NCLN: variants seen among roughly 807,000 people sequenced by gnomAD.
NCLN encodes the protein BOS complex subunit NCLN.
NCLN carries 34 observed loss-of-function variants against 69.5 expected under a neutral mutation model. The ratio of observed to expected loss-of-function variants is 0.49; its 90% confidence interval spans 0.37 to 0.65. NCLN has a LOEUF of 0.65. Among genes scored for constraint, NCLN ranks in the 30% least tolerant of loss-of-function variants. The pLI is 0.00. For synonymous variants in NCLN, 393 were observed against 358.3 expected (o/e 1.10, Z -1.09); for missense variants, 710 against 804.8 (o/e 0.88, Z 1.42).
intron 13 of NCLN, 22 bp downstream of exon 13, chr19:3,207,273 C>T (rs760320827): frequency 6.2e-7 from 1 of 1,613,548 alleles, no homozygotes; most frequent in Admixed American, 1.7e-5. Flanking sequence ...CCAGCGGGAC[C>T]TGGAGCCCTT....
intron 1 of NCLN, among the ~76,000 whole-genome samples, chr19:3,187,710 C>T (rs147811365): frequency 0.02 from 3,056 of 152,294 alleles, 45 homozygotes; most frequent in Non-Finnish European, 0.034. Flanking sequence ...GTGCCCAGGA[C>T]GGCCCCACCC....
chr19:3,192,430 C>A, intron 1 of NCLN, 40 bp from the exon 2 acceptor site: 1 of 1,515,680 alleles, frequency 6.6e-7, no homozygotes, highest in Non-Finnish European at 8.8e-7. Context: ...GTCGGCCTGG[C>A]CACCCGCCGA....
In NCLN at chr19:3,200,041, C is replaced by T. The variant is rs530491719; in HGVS notation, c.696+1144C>T. Among the ~76,000 whole-genome samples, 27 of 151,946 alleles carry T rather than the reference C, an allele frequency of 1.8e-4. No homozygotes were observed. The South Asian group carries it at 3.1e-3, about 18-fold the overall frequency. On this transcript the variant is annotated intron_variant, in intron 5 of 14. Coordinates refer to ENST00000246117, the MANE Select transcript of NCLN (RefSeq NM_020170.4). The stretch of plus-strand genomic sequence containing the variant: ...CAAATCAGCTGAACCAGGCAGAGTG[C>T]GGAGGGTCTGGGCAGATCTGCTGCC...
intron 13 of NCLN, 65 bp from the exon 14 acceptor site, chr19:3,207,326 G>C: frequency 6.2e-7 from 1 of 1,612,452 alleles, no homozygotes; most frequent in Non-Finnish European, 8.5e-7. Flanking sequence ...GGCCCACGGG[G>C]GTCTAGGGGT....
intron 1 of NCLN, among the ~76,000 whole-genome samples, chr19:3,189,005 G>A (rs147761782): frequency 7.9e-5 from 12 of 152,324 alleles, no homozygotes; most frequent in Middle Eastern, 3.4e-3. Context: ...TTTCACCCCC[G>A]GGCCCACTAC....
At position 3,206,437 on chromosome 19, in the gene NCLN, G is replaced by A. The variant is rs1916273631; in HGVS notation, c.1499+12G>A. 6.5e-7 allele frequency: 1 copy of A among 1,541,986 alleles called. No homozygotes were observed. Among genetic ancestry groups the A allele is most frequent in the Non-Finnish European group, 8.7e-7 (1 of 1,144,170 alleles). On this transcript the variant is annotated intron_variant, in intron 12 of 14. Transcript: ENST00000246117. Reference sequence around the variant, plus strand: ...AAGGCTGACAAGCGGTGAGGCTGGGGCTCCGCGCTGGCCCCGTTCAGCCTG... The same window carrying A: ...AAGGCTGACAAGCGGTGAGGCTGGGACTCCGCGCTGGCCCCGTTCAGCCTG...
chr19:3,197,194 G>A (rs1328704119), intron 4 of NCLN, among the ~76,000 whole-genome samples: 2 of 152,224 alleles, frequency 1.3e-5, no homozygotes, highest in African/African-American at 2.4e-5. Context: ...CCTGGCCTGC[G>A]TCACTCCACA....
At chr19:3,195,680 C>T (rs1008782932) in intron 3 of NCLN, among the ~76,000 whole-genome samples, 1 of 151,810 alleles carries the variant, frequency 6.6e-6, no homozygotes, top group South Asian at 2.1e-4. Flanking sequence ...AATCTTAGCA[C>T]TTTGGGAGGG....
At chr19:3,196,780 GA>G (rs1478300452) in intron 4 of NCLN, among the ~76,000 whole-genome samples, 1 of 152,270 alleles carries the variant, frequency 6.6e-6, no homozygotes, top group East Asian at 1.9e-4. Flanking sequence ...TCCAGAGGGT[GA>G]AGCCTGTGTC....
chr19:3,190,425 C>G (rs564023223), intron 1 of NCLN, among the ~76,000 whole-genome samples: 1 of 152,194 alleles, frequency 6.6e-6, no homozygotes, highest in African/African-American at 2.4e-5. Context: ...GCCTGTCCCC[C>G]CATGCACCCA....
At chr19:3,188,240 CA>C in intron 1 of NCLN, among the ~76,000 whole-genome samples, 1 of 151,964 alleles carries the variant, frequency 6.6e-6, no homozygotes, top group Admixed American at 6.6e-5. Context: ...TGTCCCTGGG[CA>C]GGTGTGGGCC....
intron 1 of NCLN, among the ~76,000 whole-genome samples, chr19:3,187,413 C>T (rs903832331): frequency 6.6e-6 from 1 of 152,190 alleles, no homozygotes; most frequent in Non-Finnish European, 1.5e-5. Flanking sequence ...CCTTAGTTCC[C>T]AGCCCGGATT....
At chr19:3,188,200 C>G (rs1032614760) in intron 1 of NCLN, among the ~76,000 whole-genome samples, 3 of 152,094 alleles carry the variant, frequency 2.0e-5, no homozygotes, top group South Asian at 2.1e-4. Context: ...TCCAGCCCCC[C>G]GGGCAGGTGT....
At chr19:3,195,316 C>T (rs1329330248) in intron 3 of NCLN, among the ~76,000 whole-genome samples, 1 of 151,892 alleles carries the variant, frequency 6.6e-6, no homozygotes, top group African/African-American at 2.4e-5. Flanking sequence ...GTGGCACAAT[C>T]TCGGCTCACT....
chr19:3,206,796 C>G (rs1916283482), intron 12 of NCLN, among the ~76,000 whole-genome samples: 1 of 152,194 alleles, frequency 6.6e-6, no homozygotes, highest in Non-Finnish European at 1.5e-5. Context: ...CATAGCAAGA[C>G]CCCATCTCTA....
chr19:3,206,903 C>T (rs986857060), intron 12 of NCLN, among the ~76,000 whole-genome samples: 1 of 152,178 alleles, frequency 6.6e-6, no homozygotes, highest in African/African-American at 2.4e-5. Context: ...CTCACTACAG[C>T]CTCCATCTCC....
chr19:3,190,037 C>T (rs950655385), intron 1 of NCLN, among the ~76,000 whole-genome samples: 3 of 152,218 alleles, frequency 2.0e-5, no homozygotes, highest in Non-Finnish European at 2.9e-5. Flanking sequence ...GCTCGAGGCC[C>T]GGAGAACGGG....
At position 3,192,519 on chromosome 19, in the gene NCLN, G is replaced by C. The variant is rs777504738; in HGVS notation, c.234G>C (p.Glu78Asp). 2 of 1,608,504 alleles carry C rather than the reference G, an allele frequency of 1.2e-6. No individual in the cohort carries two copies. Among genetic ancestry groups the C allele is most frequent in the Non-Finnish European group, 1.7e-6 (2 of 1,178,292 alleles). Residue 78 changes from glutamate (E) to aspartate (D), a missense_variant, in exon 2 of 15, where the codon GAG becomes GAC. By Grantham distance (45) the Glu-to-Asp change is conservative. Coordinates refer to ENST00000246117, the MANE Select transcript of NCLN (RefSeq NM_020170.4). ...LNTEARTMAA[E>D]VLSRRCVLMR... ...CGGAGGCGCGCACGATGGCGGCGGAGGTGCTGAGCCGCCGCTGCGTGCTCA... is the reference window on the plus strand; with the variant it reads ...CGGAGGCGCGCACGATGGCGGCGGACGTGCTGAGCCGCCGCTGCGTGCTCA...
At position 3,186,060 on chromosome 19, in the gene NCLN, G is replaced by T. The variant is rs750961831; in HGVS notation, c.30G>T (p.Glu10Asp). 1.3e-6 allele frequency: 2 copies of T among 1,594,008 alleles called. No individual in the cohort carries two copies. Among genetic ancestry groups the T allele is most frequent in the Admixed American group, 1.7e-5 (1 of 58,334 alleles). The change falls in exon 1 of 15, where the codon GAG (glutamate) becomes GAT (aspartate). Residue 10 changes from glutamate to aspartate, a missense_variant. Physicochemically the swap from Glu to Asp is conservative, Grantham distance 45 (BLOSUM62 2). Coordinates refer to ENST00000246117, the MANE Select transcript of NCLN (RefSeq NM_020170.4). MLEEAGEVLENMLKASCLPL... is the reference protein window; with the variant it reads MLEEAGEVLDNMLKASCLPL... ...TGGAGGAAGCGGGCGAGGTGCTGGA[G>T]AACATGCTGAAGGCGTCTTGTCTGC...
Sources: allele counts gnomAD v4.1 joint callset (sites outside exome capture counted in the v4.1 genomes callset), GRCh38; gene constraint gnomAD v4.1.1; transcripts MANE v1.5; gene names NCBI Gene and HGNC (gene_info 2026-07-23, HGNC 2026-07-21).